EFTUD2: variants seen among roughly 807,000 people sequenced by gnomAD.
EFTUD2 encodes the protein 116 kDa U5 small nuclear ribonucleoprotein component.
Under a neutral mutation model 114.3 loss-of-function variants are expected in EFTUD2, and 9 were observed. That is an observed-to-expected ratio of 0.08 (90% CI 0.05 to 0.14). The LOEUF is 0.14. EFTUD2 is among the 10% of genes least tolerant of loss of function. The pLI is 1.00. For missense variants in EFTUD2, 765 were observed against 1,241.2 expected, an observed-to-expected ratio of 0.62 and a Z score of 5.76; for synonymous variants, 449 against 462.3, an observed-to-expected ratio of 0.97 and a Z score of 0.37.
At chr17:44,858,725 G>A (rs1175237211) in intron 19 of EFTUD2, among the ~76,000 whole-genome samples, 3 of 151,962 alleles carry the variant, frequency 2.0e-5, no homozygotes, top group Admixed American at 6.6e-5. Context: ...TTACAGCAAC[G>A]GACCACCATG....
At chr17:44,894,648 G>A (rs2051345319) in intron 1 of EFTUD2, 123 bp from the exon 2 acceptor site, 1 of 701,022 alleles carries the variant, frequency 1.4e-6, no homozygotes, top group African/African-American at 1.8e-5. Context: ...CTCCTCTCCA[G>A]TGACATCAAC....
At chr17:44,859,258 G>A in intron 18 of EFTUD2, 77 bp from the exon 19 acceptor site, 11 of 1,044,886 alleles carry the variant, frequency 1.1e-5, no homozygotes, top group Non-Finnish European at 1.7e-5. Flanking sequence ...CAAGGCCAGA[G>A]CAGACAAGAA....
intron 13 of EFTUD2, among the ~76,000 whole-genome samples, chr17:44,865,705 C>T (rs2050734210): frequency 6.6e-6 from 1 of 152,140 alleles, no homozygotes; most frequent in South Asian, 2.1e-4. Flanking sequence ...TATTAAATAC[C>T]TGCATATTTT....
intron 16 of EFTUD2, among the ~76,000 whole-genome samples, chr17:44,862,336 G>A (rs1297230645): frequency 1.3e-5 from 2 of 152,188 alleles, no homozygotes; most frequent in Non-Finnish European, 2.9e-5. Context: ...TCAGGAGGCT[G>A]AGGTGGAAGG....
intron 15 of EFTUD2, chr17:44,863,208 C>T: frequency 3.4e-6 from 1 of 291,782 alleles, no homozygotes; most frequent in East Asian, 6.1e-5. Flanking sequence ...CCCAAATTTC[C>T]TCTTAAGATG....
At chr17:44,877,531 C>T (rs748170403) in intron 9 of EFTUD2, among the ~76,000 whole-genome samples, 1 of 152,150 alleles carries the variant, frequency 6.6e-6, no homozygotes, top group Non-Finnish European at 1.5e-5. Flanking sequence ...ATAGGCCAGG[C>T]GCAGTGGCTC....
intron 1 of EFTUD2, chr17:44,895,807 C>G (rs752552395): frequency 7.9e-5 from 12 of 152,218 alleles, no homozygotes; most frequent in Non-Finnish European, 1.6e-4. Context: ...ACAGATTGTT[C>G]CAATAATACC....
In EFTUD2 at chr17:44,880,618, A is replaced by G; in HGVS notation, c.555T>C (p.Pro185=). 6.2e-7 allele frequency: 1 copy of G among 1,613,678 alleles called. No homozygotes were observed. The highest frequency in any genetic ancestry group is 8.5e-7 in the Non-Finnish European group (1 of 1,179,630). ...TGGTGTCTGGCAAGACCACTGTCACAGGAGTGCTTTTGATGCCTACACCTC... is the reference window on the plus strand; with the variant it reads ...TGGTGTCTGGCAAGACCACTGTCACGGGAGTGCTTTTGATGCCTACACCTC... ...QERGVGIKST[P]VTVVLPDTKG... The change falls in exon 8 of 28, where the codon CCT becomes CCC. Residue 185 remains proline (P), a synonymous_variant. Transcript: ENST00000426333.
chr17:44,883,291 G>A, intron 5 of EFTUD2, 133 bp from the exon 6 acceptor site: 1 of 718,190 alleles, frequency 1.4e-6, no homozygotes, highest in Non-Finnish European at 2.3e-6. Context: ...TTATGGGACA[G>A]CAAATAATTA....
At chr17:44,861,893 A>C (rs1054515648) in intron 16 of EFTUD2, among the ~76,000 whole-genome samples, 2 of 152,188 alleles carry the variant, frequency 1.3e-5, no homozygotes, top group African/African-American at 4.8e-5. Context: ...TGGGAAACCA[A>C]ATTCATAAAC....
chr17:44,859,074 C>G lies in EFTUD2; in HGVS notation c.1962+6G>C. 1 of 1,598,316 alleles carries G rather than the reference C, an allele frequency of 6.3e-7. No homozygotes were observed. Among genetic ancestry groups the G allele is most frequent in the Non-Finnish European group, 8.6e-7 (1 of 1,165,570 alleles). ...TGAACCCAGCTCCCGGCAGATACTG[C>G]TGTACCTTGATGTCTATCTCTGAGT... On this transcript the variant is annotated splice_donor_region_variant and intron_variant, in intron 19 of 27. Coordinates refer to ENST00000426333, the MANE Select transcript of EFTUD2 (RefSeq NM_004247.4).
intron 1 of EFTUD2, among the ~76,000 whole-genome samples, chr17:44,895,321 C>A (rs552848763): frequency 2.3e-3 from 343 of 152,290 alleles, no homozygotes; most frequent in Non-Finnish European, 3.9e-3. Flanking sequence ...CATGGCAAAA[C>A]GCTGTCTCTA....
At chr17:44,882,453 G>A (rs867982303) in intron 6 of EFTUD2, among the ~76,000 whole-genome samples, 18 of 148,634 alleles carry the variant, frequency 1.2e-4, no homozygotes, top group South Asian at 2.1e-4. Flanking sequence ...ATAGAGTTTC[G>A]CCATGTTGGC....
intron 2 of EFTUD2, among the ~76,000 whole-genome samples, chr17:44,889,843 C>G (rs1310400317): frequency 6.6e-6 from 1 of 152,214 alleles, no homozygotes; most frequent in Non-Finnish European, 1.5e-5. Flanking sequence ...AGCCAGTTTT[C>G]TCCTGCCCCA....
chr17:44,853,685 T>C, intron 23 of EFTUD2, 50 bp from the exon 24 acceptor site: 3 of 1,605,764 alleles, frequency 1.9e-6, no homozygotes, highest in South Asian at 1.1e-5. Flanking sequence ...GGGCCTGTCA[T>C]GGGGCCATGG....
chr17:44,855,386 C>T (rs1313372563), intron 20 of EFTUD2, among the ~76,000 whole-genome samples: 1 of 152,150 alleles, frequency 6.6e-6, no homozygotes, highest in Non-Finnish European at 1.5e-5. Flanking sequence ...CATGGTGAAA[C>T]CCCATCTCTA....
intron 15 of EFTUD2, chr17:44,863,107 T>TC (rs2050687040): frequency 3.0e-6 from 1 of 333,888 alleles, no homozygotes; most frequent in Non-Finnish European, 5.4e-6. Flanking sequence ...AATATTCTCC[T>TC]CTTTTTTTTT....
chr17:44,894,074 A>G lies in EFTUD2; in HGVS notation c.105+343T>C, dbSNP rs554915394. The G allele has an allele frequency of 9.7e-4, 204 of 209,790 alleles. 1 individual carries two copies. Among genetic ancestry groups the G allele is most frequent in the African/African-American group, 4.7e-3 (202 of 42,544 alleles). 13.0% of individuals were successfully genotyped at this position (209,790 alleles called of 1,614,324 possible). ...AACAGGGTGAGACTGTCTCAAAAAA[A>G]AAAAAAAGAAAAAAGAGGGGGCTGG... On this transcript the variant is annotated intron_variant, in intron 2 of 27. Coordinates refer to ENST00000426333, the MANE Select transcript of EFTUD2 (RefSeq NM_004247.4).
chr17:44,893,078 T>C (rs1305895330), intron 2 of EFTUD2, among the ~76,000 whole-genome samples: 1 of 152,088 alleles, frequency 6.6e-6, no homozygotes, highest in East Asian at 1.9e-4. Context: ...GAGAAAATTA[T>C]TTTTATAAAA....
Sources: allele counts gnomAD v4.1 joint callset (sites outside exome capture counted in the v4.1 genomes callset), GRCh38; gene constraint gnomAD v4.1.1; transcripts MANE v1.5; gene names NCBI Gene and HGNC (gene_info 2026-07-23, HGNC 2026-07-21).